RFX7: variants seen among roughly 807,000 people sequenced by gnomAD.
The protein encoded by RFX7 is regulatory factor X7.
Under a neutral mutation model 111.8 loss-of-function variants are expected in RFX7, and 26 were observed. The ratio of observed to expected loss-of-function variants is 0.23; its 90% CI spans 0.17 to 0.32. The LOEUF (loss-of-function observed/expected upper bound fraction) is 0.32. Among genes scored for constraint, RFX7 ranks in the 10% least tolerant of loss-of-function variants. RFX7 has a pLI of 1.00. For missense variants in RFX7, 1,573 were observed against 1,772.9 expected (o/e 0.89, Z 2.02); for synonymous variants, 624 against 624.4 (o/e 1.00, Z 0.01).
intron 3 of RFX7, among the ~76,000 whole-genome samples, chr15:56,162,516 A>G (rs2042732293): frequency 6.6e-6 from 1 of 152,050 alleles, no homozygotes; most frequent in Admixed American, 6.6e-5. Context: ...GAGACAATGT[A>G]ATAAATTTGA....
chr15:56,233,112 C>A lies in RFX7; in HGVS notation c.161+10013G>T, dbSNP rs112753020. ...TTTACTGTATTAATCTGTTTTCACA[C>A]CGTTGATAAAGACATACCCGAGACT... is the stretch of plus-strand genomic sequence containing the variant. On this transcript the variant is annotated intron_variant, in intron 2 of 9. Coordinates refer to ENST00000559447, the MANE Select transcript of RFX7 (RefSeq NM_022841.7). 3.4e-3 allele frequency among the ~76,000 whole-genome samples: 512 copies of A among 152,244 alleles called. 3 individuals are homozygous for A. The highest frequency in any genetic ancestry group is 0.012 in the African/African-American group (479 of 41,536).
At chr15:56,238,390 T>C (rs1053411071) in intron 2 of RFX7, among the ~76,000 whole-genome samples, 4 of 152,214 alleles carry the variant, frequency 2.6e-5, no homozygotes, top group Admixed American at 2.6e-4. Flanking sequence ...ATCATATATA[T>C]AATTCTACTT....
At chr15:56,179,126 C>T (rs1022091875) in intron 3 of RFX7, 144 bp downstream of exon 3, 14 of 335,916 alleles carry the variant, frequency 4.2e-5, no homozygotes, top group Non-Finnish European at 5.1e-5. Flanking sequence ...ACAATTCACC[C>T]GAGGGGGCTG....
intron 7 of RFX7, among the ~76,000 whole-genome samples, chr15:56,101,952 T>C (rs2041758956): frequency 1.3e-5 from 2 of 152,226 alleles, no homozygotes; most frequent in South Asian, 4.1e-4. Context: ...TTTGGAAATA[T>C]CGAGAAATCA....
At chr15:56,120,531 T>C (rs1189408260) in intron 5 of RFX7, among the ~76,000 whole-genome samples, 1 of 152,208 alleles carries the variant, frequency 6.6e-6, no homozygotes, top group Non-Finnish European at 1.5e-5. Context: ...ACTATTTGAA[T>C]AAAAGTGGCA....
chr15:56,089,955 C>T lies in RFX7; in HGVS notation c.*3390G>A, dbSNP rs1279593276. ...AGAAGATCTGTCTACAATATATAGT[C>T]CCTGGCACTGGTTGTTGTTGCTTCT... On this transcript the variant is annotated 3_prime_UTR_variant, in exon 10 of 10. Coordinates refer to ENST00000559447, the MANE Select transcript of RFX7 (RefSeq NM_022841.7). The T allele has an allele frequency of 6.6e-6, 1 of 152,088 alleles. No individual in the cohort carries two copies. The highest frequency in any genetic ancestry group is 1.5e-5 in the Non-Finnish European group (1 of 68,016). The allele number at this position is 152,088 out of a possible 1,614,324, so 9.4% of individuals were successfully genotyped here.
intron 2 of RFX7, among the ~76,000 whole-genome samples, chr15:56,204,344 A>G (rs2043228538): frequency 6.6e-6 from 1 of 152,100 alleles, no homozygotes; most frequent in South Asian, 2.1e-4. Flanking sequence ...ATATGCTAAC[A>G]TACGTTGTAT....
chr15:56,237,937 C>T (rs1207430721), intron 2 of RFX7, among the ~76,000 whole-genome samples: 1 of 152,080 alleles, frequency 6.6e-6, no homozygotes, highest in African/African-American at 2.4e-5. Context: ...TGAAGACAGG[C>T]TAAACTCAGG....
intron 2 of RFX7, among the ~76,000 whole-genome samples, chr15:56,202,533 A>G (rs1411851750): frequency 6.6e-6 from 1 of 152,158 alleles, no homozygotes; most frequent in African/African-American, 2.4e-5. Flanking sequence ...GCCAGCAGCT[A>G]TAGCTCACAC....
At chr15:56,221,570 T>C (rs2043426928) in intron 2 of RFX7, among the ~76,000 whole-genome samples, 2 of 152,220 alleles carry the variant, frequency 1.3e-5, no homozygotes, top group African/African-American at 2.4e-5. Context: ...TAATTATTAA[T>C]GATTAAGTTA....
At position 56,095,766 on chromosome 15, in the gene RFX7, T is replaced by C. The variant is rs564833269; in HGVS notation, c.1962A>G (p.Lys654=). 8 of 1,613,868 alleles carry C rather than the reference T, an allele frequency of 5.0e-6. No individual in the cohort carries two copies. The South Asian group carries it at 8.8e-5, about 18-fold the overall frequency. The part of the protein sequence containing the change: ...SINKDPKLCT[K]SPRKRLSSTL... ...TAGAAGACAGTCGTTTTCTTGGGCT[T>C]TTAGTGCATAATTTAGGGTCTTTAT... Residue 654 remains lysine, a synonymous_variant, in exon 10 of 10, where the codon AAA becomes AAG. Transcript: ENST00000559447.
intron 3 of RFX7, among the ~76,000 whole-genome samples, chr15:56,159,000 C>G (rs1567031955): frequency 6.6e-6 from 1 of 152,196 alleles, no homozygotes; most frequent in Non-Finnish European, 1.5e-5. Context: ...ATATCCCTCC[C>G]TGCCACCTCC....
chr15:56,138,390 G>T (rs2042337400), intron 5 of RFX7, among the ~76,000 whole-genome samples: 1 of 150,544 alleles, frequency 6.6e-6, no homozygotes, highest in Admixed American at 6.6e-5. Context: ...TGTCTCTTTT[G>T]ATCTTTGTTG....
chr15:56,181,002 T>C (rs139937923), intron 2 of RFX7, among the ~76,000 whole-genome samples: 5 of 152,336 alleles, frequency 3.3e-5, no homozygotes, highest in Admixed American at 3.3e-4. Context: ...TGTTTCTATC[T>C]TTGCCCTATC....
intron 2 of RFX7, among the ~76,000 whole-genome samples, chr15:56,239,928 A>C (rs918267316): frequency 6.6e-6 from 1 of 151,374 alleles, no homozygotes; most frequent in Non-Finnish European, 1.5e-5. Context: ...AAAAATTTTC[A>C]CTAAACTACG....
chr15:56,140,747 A>G (rs1394190682), intron 5 of RFX7, among the ~76,000 whole-genome samples: 1 of 152,230 alleles, frequency 6.6e-6, no homozygotes, highest in African/African-American at 2.4e-5. Context: ...TTTTGTTTAA[A>G]AAATCCTTTA....
chr15:56,142,967 T>C (rs1449626150), intron 4 of RFX7, 67 bp from the exon 5 acceptor site: 1 of 1,555,754 alleles, frequency 6.4e-7, no homozygotes, highest in Non-Finnish European at 8.8e-7. Flanking sequence ...GAGCTAGGCC[T>C]AAATGTTCCA....
Position 56,192,308 on chromosome 15 carries a change from G to A in RFX7, c.162-13005C>T, listed in dbSNP as rs1047320458. 6 of 205,492 alleles carry A rather than the reference G, an allele frequency of 2.9e-5. No homozygotes were observed. The East Asian group carries it at 3.5e-4, about 12-fold the overall frequency. The allele number at this position is 205,492 out of a possible 1,614,324, so 12.7% of individuals were successfully genotyped here. The stretch of plus-strand genomic sequence containing the variant: ...GCACTTTGGGTGCTGGCTGGTAAGC[G>A]CTCACAGGGATTCTTCTCAGTGCCA... On this transcript the variant is annotated intron_variant, in intron 2 of 9. Transcript: ENST00000559447.
Position 56,235,539 on chromosome 15 carries a change from G to C in RFX7, c.161+7586C>G, listed in dbSNP as rs142141435. 1.4e-3 allele frequency among the ~76,000 whole-genome samples: 213 copies of C among 152,146 alleles called. 1 individual carries two copies. The highest frequency in any genetic ancestry group is 4.9e-3 in the African/African-American group (204 of 41,506). ...CACAAACCAAGTGCTCTCCATGCTT[G>C]GTTTATACCTTAAAACTAGGCATCA... On this transcript the variant is annotated intron_variant, in intron 2 of 9. Coordinates refer to ENST00000559447, the MANE Select transcript of RFX7 (RefSeq NM_022841.7).
Sources: gnomAD v4.1 joint callset for allele counts (sites outside exome capture counted in the v4.1 genomes callset) on GRCh38, gnomAD v4.1.1 for gene constraint, MANE v1.5 for transcripts, NCBI Gene and HGNC (gene_info 2026-07-23, HGNC 2026-07-21) for gene names.